The following KCNK10 variants were observed in gnomAD, a reference collection of about 807,000 sequenced individuals.
KCNK10 encodes the protein potassium channel subfamily K member 10.
Under a neutral mutation model 47.7 loss-of-function variants are expected in KCNK10, and 25 were observed. The observed-to-expected ratio is 0.52, with a 90% confidence interval of 0.38 to 0.73. The LOEUF (loss-of-function observed/expected upper bound fraction) is 0.73. KCNK10 is among the 30% of genes least tolerant of loss of function. KCNK10 has a pLI of 0.00. For synonymous variants in KCNK10, 303 were observed against 285.6 expected (o/e 1.06, Z -0.61); for missense variants, 563 against 714.5 (o/e 0.79, Z 2.42).
chr14:88,303,664 C>A (rs57629736), intron 1 of KCNK10, among the ~76,000 whole-genome samples: 2,424 of 152,126 alleles, frequency 0.016, 73 homozygotes, highest in African/African-American at 0.055. Context: ...GAAGGGACGG[C>A]CTTAGGTAGG....
At chr14:88,262,432 C>T (rs1887137033) in intron 2 of KCNK10, among the ~76,000 whole-genome samples, 1 of 152,190 alleles carries the variant, frequency 6.6e-6, no homozygotes, top group South Asian at 2.1e-4. Flanking sequence ...CCTCCTGATC[C>T]AGTCCCTCGC....
Position 88,181,119 on chromosome 14 carries a change from A to G in KCNK10, c.*4416T>C. On this transcript the variant is annotated 3_prime_UTR_variant, in exon 7 of 7. Coordinates refer to ENST00000319231, the MANE Select transcript of KCNK10 (RefSeq NM_138317.3). The stretch of plus-strand genomic sequence containing the variant: ...AGGGGCTCTGAATGTTTGTTTTCCT[A>G]CGCCTTTCCCGTGGTTCAGAAACCC... The G allele has an allele frequency of 3.3e-6, 1 of 301,398 alleles. No individual in the cohort carries two copies. Among genetic ancestry groups the G allele is most frequent in the Non-Finnish European group, 6.1e-6 (1 of 165,128 alleles). 18.7% of individuals were successfully genotyped at this position (301,398 alleles called of 1,614,324 possible).
At chr14:88,281,686 G>A (rs1450174393) in intron 1 of KCNK10, among the ~76,000 whole-genome samples, 2 of 151,094 alleles carry the variant, frequency 1.3e-5, no homozygotes, top group African/African-American at 4.9e-5. Context: ...ATAATTGTGT[G>A]AGTCAATTTC....
chr14:88,185,536 T>C lies in KCNK10; in HGVS notation c.1631A>G (p.Ter544=). The change falls in exon 7 of 7, where the codon TAA becomes TGA. Residue 544 remains the stop codon, a stop_retained_variant. Coordinates refer to ENST00000319231, the MANE Select transcript of KCNK10 (RefSeq NM_138317.3). The surrounding 1 kb of genome is among the most constrained non-coding windows in gnomAD (Gnocchi z 4.3). The part of the protein sequence containing the change: ...ENNSLLEDRN[*] ...GTCCAAGACCAATGTCCTTCACATT[T>C]AGTTTCTGTCTTCAAGTAATGAGTT... 6.2e-7 allele frequency: 1 copy of C among 1,611,726 alleles called. No individual in the cohort carries two copies. The highest frequency in any genetic ancestry group is 8.5e-7 in the Non-Finnish European group (1 of 1,178,260).
chr14:88,221,461 C>A (rs1429190129), intron 4 of KCNK10, among the ~76,000 whole-genome samples: 3 of 152,078 alleles, frequency 2.0e-5, no homozygotes, highest in Non-Finnish European at 4.4e-5. Context: ...AAAAGATGCT[C>A]CACATTATAC....
In KCNK10 at chr14:88,220,416, C is replaced by CA. The variant is rs58562095; in HGVS notation, c.681+6958dup. ...TGGGCGACAGAGCGAGACTCCGTCT[C>CA]AAAAAAAAAAAAAAAAAAAAAAAAA... On this transcript the variant is annotated intron_variant, in intron 4 of 6. Transcript: ENST00000319231. Among the ~76,000 whole-genome samples, 196 of 30,160 alleles carry CA rather than the reference C, an allele frequency of 6.5e-3. 59 individuals are homozygous for CA. Among genetic ancestry groups the CA allele is most frequent in the Non-Finnish European group, 8.1e-3 (155 of 19,064 alleles). 19.8% of individuals were successfully genotyped at this position (30,160 alleles called of 152,430 possible).
intron 1 of KCNK10, among the ~76,000 whole-genome samples, chr14:88,276,395 C>A (rs1013290495): frequency 6.6e-6 from 1 of 152,018 alleles, no homozygotes. Flanking sequence ...GCCTCCAGAA[C>A]CATGAGAAAT....
In KCNK10 at chr14:88,183,876, G is replaced by A. The variant is rs185960468; in HGVS notation, c.*1659C>T. On this transcript the variant is annotated 3_prime_UTR_variant, in exon 7 of 7. Transcript: ENST00000319231. ...CATGAGACAGTTTCTGGAAGTCTCC[G>A]CTAGTGCTGTGATCTTTTGGTAAAT... 12 of 152,448 alleles carry A rather than the reference G, an allele frequency of 7.9e-5. No individual in the cohort carries two copies. The highest frequency in any genetic ancestry group is 1.9e-4 in the African/African-American group (8 of 41,556). 9.4% of individuals were successfully genotyped at this position (152,448 alleles called of 1,614,324 possible). A position where few individuals can be genotyped will look rare whatever the true frequency, so the allele number is the denominator to read the frequency against.
At position 88,185,215 on chromosome 14, in the gene KCNK10, G is replaced by C. The variant is rs1884501119; in HGVS notation, c.*320C>G. 3.4e-6 allele frequency: 1 copy of C among 292,168 alleles called. No individual in the cohort carries two copies. The highest frequency in any genetic ancestry group is 6.4e-6 in the Non-Finnish European group (1 of 155,626). The allele number at this position is 292,168 out of a possible 1,614,324, so 18.1% of individuals were successfully genotyped here. ...GCTGGTCTAAGGAATAGCTGCCCTT[G>C]TCTACGTGTGTGCCCAGGTAGCACT... On this transcript the variant is annotated 3_prime_UTR_variant, in exon 7 of 7. Coordinates refer to ENST00000319231, the MANE Select transcript of KCNK10 (RefSeq NM_138317.3). This position sits in a 1 kb window ranked among gnomAD's most constrained non-coding sequence, Gnocchi z 4.3.
At chr14:88,200,545 T>C (rs985346466) in intron 4 of KCNK10, among the ~76,000 whole-genome samples, 32 of 152,296 alleles carry the variant, frequency 2.1e-4, no homozygotes, top group African/African-American at 7.5e-4. Flanking sequence ...AACGAGAAGT[T>C]AGATAAGAAG....
At chr14:88,214,083 G>A (rs1885543468) in intron 4 of KCNK10, among the ~76,000 whole-genome samples, 1 of 151,970 alleles carries the variant, frequency 6.6e-6, no homozygotes, top group African/African-American at 2.4e-5. Context: ...GGGATTACAG[G>A]CATGCACCAC....
chr14:88,287,359 G>C (rs1167142231), intron 1 of KCNK10, among the ~76,000 whole-genome samples: 1 of 152,130 alleles, frequency 6.6e-6, no homozygotes, highest in African/African-American at 2.4e-5. Context: ...GGAAGAGGTG[G>C]TGTTTGGTTA....
At chr14:88,326,379 G>C (rs766861481), upstream of KCNK10, 1 of 1,589,992 alleles carries the variant, frequency 6.3e-7, no homozygotes, top group East Asian at 2.2e-5. Context: ...ATCCCCTTCG[G>C]TTCTACCCTT....
intron 3 of KCNK10, among the ~76,000 whole-genome samples, chr14:88,231,155 C>T (rs1886150477): frequency 3.3e-5 from 5 of 152,042 alleles, no homozygotes; most frequent in Admixed American, 3.3e-4. Context: ...TGGTGCACAA[C>T]TATAGTTCCA....
intron 1 of KCNK10, among the ~76,000 whole-genome samples, chr14:88,270,231 G>A (rs1217552659): frequency 1.3e-5 from 2 of 152,164 alleles, no homozygotes; most frequent in African/African-American, 2.4e-5. Flanking sequence ...ACTTCAGGCC[G>A]CTGGGGAGGG....
chr14:88,233,969 G>A (rs375000795), intron 3 of KCNK10, among the ~76,000 whole-genome samples: 136 of 152,284 alleles, frequency 8.9e-4, no homozygotes, highest in Non-Finnish European at 1.6e-3. Context: ...ACTTCTTGAA[G>A]TGGCCCAGAC....
At chr14:88,317,802 A>G (rs1159604547) in intron 1 of KCNK10, among the ~76,000 whole-genome samples, 2 of 152,224 alleles carry the variant, frequency 1.3e-5, no homozygotes, top group Admixed American at 1.3e-4. Context: ...GAAAGGTGCT[A>G]TGCACATAAG....
rs1884486430 is a variant in KCNK10, at chr14:88,184,833, C to A, written c.*702G>T. ...GACTACCTACCCCTGTGAGAAAGAC[C>A]AAACTCAGCAGGCTTCTGTCATTGG... On this transcript the variant is annotated 3_prime_UTR_variant, in exon 7 of 7. Transcript: ENST00000319231. 1 of 152,390 alleles carries A rather than the reference C, an allele frequency of 6.6e-6. No homozygotes were observed. Among genetic ancestry groups the A allele is most frequent in the South Asian group, 2.1e-4 (1 of 4,828 alleles). The allele number at this position is 152,390 out of a possible 1,614,324, so 9.4% of individuals were successfully genotyped here.
In KCNK10 at chr14:88,227,367, G is replaced by C. The variant is rs559816898; in HGVS notation, c.681+8C>G. 1.2e-5 allele frequency: 19 copies of C among 1,603,248 alleles called. No individual in the cohort carries two copies. The highest frequency in any genetic ancestry group is 1.4e-5 in the Non-Finnish European group (17 of 1,175,664). On this transcript the variant is annotated splice_region_variant and intron_variant, in intron 4 of 6. Coordinates refer to ENST00000319231, the MANE Select transcript of KCNK10 (RefSeq NM_138317.3). ...GTGGTTAGAATTTAAATATGACACAGTACTCACTCGAAAGACCTTCTCCAC... is the reference window on the plus strand; with the variant it reads ...GTGGTTAGAATTTAAATATGACACACTACTCACTCGAAAGACCTTCTCCAC...
Sources: gnomAD v4.1 joint callset for allele counts (sites outside exome capture counted in the v4.1 genomes callset) on GRCh38, gnomAD v4.1.1 for gene constraint, Gnocchi (gnomAD v3.1) non-coding constraint, MANE v1.5 for transcripts, NCBI Gene and HGNC (gene_info 2026-07-23, HGNC 2026-07-21) for gene names.